The following GPNMB variants were observed in gnomAD, a reference collection of about 807,000 sequenced individuals.
The protein encoded by GPNMB is glycoprotein nmb.
A neutral mutation model predicts 57.3 loss-of-function variants in GPNMB; 71 were observed. That is an observed-to-expected ratio of 1.24 (90% confidence interval 1.02 to 1.51). The LOEUF (loss-of-function observed/expected upper bound fraction) is 1.51, where lower values mean the gene tolerates loss of function less well. Among genes scored for constraint, GPNMB ranks in the 40% most tolerant of loss-of-function variants. The pLI is 0.00. For synonymous variants in GPNMB, 253 were observed against 263.2 expected, an observed-to-expected ratio of 0.96 and a Z score of 0.38; for missense variants, 677 against 691.9, an observed-to-expected ratio of 0.98 and a Z score of 0.24.
chr7:23,270,442 AT>A (rs1382895390), intron 9 of GPNMB, among the ~76,000 whole-genome samples: 2 of 152,194 alleles, frequency 1.3e-5, no homozygotes, highest in African/African-American at 4.8e-5. Context: ...ACCAGTAACA[AT>A]GGGATATGAT....
At chr7:23,265,438 T>G (rs1021942988) in intron 6 of GPNMB, among the ~76,000 whole-genome samples, 1 of 152,184 alleles carries the variant, frequency 6.6e-6, no homozygotes, top group African/African-American at 2.4e-5. Flanking sequence ...AGCAGCGATG[T>G]CTTAATTAGA....
chr7:23,250,782 C>T (rs1305371325), intron 1 of GPNMB: 1 of 152,160 alleles, frequency 6.6e-6, no homozygotes, highest in Admixed American at 6.5e-5. Flanking sequence ...GAGGAAGACT[C>T]TCTGGAACAG....
chr7:23,259,166 C>CT (rs1353544182), intron 4 of GPNMB, among the ~76,000 whole-genome samples: 1 of 152,144 alleles, frequency 6.6e-6, no homozygotes, highest in Non-Finnish European at 1.5e-5. Context: ...CTGCCATCCT[C>CT]TATTTCATCA....
intron 9 of GPNMB, 24 bp downstream of exon 9, chr7:23,270,199 T>C: frequency 6.5e-7 from 1 of 1,530,844 alleles, no homozygotes. Context: ...TATGGCCATA[T>C]GAGCATTTCA....
intron 4 of GPNMB, 149 bp downstream of exon 4, chr7:23,257,214 G>C (rs923863573): frequency 2.8e-6 from 2 of 724,746 alleles, no homozygotes; most frequent in Non-Finnish European, 4.9e-6. Flanking sequence ...AACAGTGAGA[G>C]ATAAAAATGA....
chr7:23,257,443 G>A (rs186291222), intron 4 of GPNMB: 14 of 330,832 alleles, frequency 4.2e-5, no homozygotes, highest in Admixed American at 9.3e-5. Context: ...AGGCGGAGGC[G>A]GGTGGATCAC....
chr7:23,272,865 G>A (rs1240344684), intron 9 of GPNMB, among the ~76,000 whole-genome samples: 1 of 138,942 alleles, frequency 7.2e-6, no homozygotes, highest in Non-Finnish European at 1.5e-5. Flanking sequence ...TTTTTTTGAG[G>A]CAAGGTCTTG....
At chr7:23,266,432 C>A in intron 6 of GPNMB, 85 bp from the exon 7 acceptor site, 2 of 1,426,324 alleles carry the variant, frequency 1.4e-6, no homozygotes, top group Non-Finnish European at 1.9e-6. Context: ...AAGCAAATGG[C>A]AAATGTTTAG....
chr7:23,255,960 G>A (rs1782766972), intron 3 of GPNMB, among the ~76,000 whole-genome samples: 1 of 151,710 alleles, frequency 6.6e-6, no homozygotes, highest in Non-Finnish European at 1.5e-5. Context: ...AGGCTGGAGT[G>A]CAGTGGCACA....
At chr7:23,252,875 A>T (rs1366367281) in intron 1 of GPNMB, among the ~76,000 whole-genome samples, 1 of 152,220 alleles carries the variant, frequency 6.6e-6, no homozygotes, top group African/African-American at 2.4e-5. Context: ...ACTTCCTGGT[A>T]CTAGTACGTG....
intron 9 of GPNMB, among the ~76,000 whole-genome samples, chr7:23,272,804 A>G (rs1337999457): frequency 6.6e-6 from 1 of 151,792 alleles, no homozygotes; most frequent in Non-Finnish European, 1.5e-5. Flanking sequence ...TGCTTCTGTG[A>G]GCAGTGACAG....
In GPNMB at chr7:23,270,096, G is replaced by A; in HGVS notation, c.1350G>A (p.Gly450=). 6.2e-7 allele frequency: 1 copy of A among 1,614,074 alleles called. No individual in the cohort carries two copies. Among genetic ancestry groups the A allele is most frequent in the Non-Finnish European group, 8.5e-7 (1 of 1,179,984 alleles). The change falls in exon 9 of 11, where the codon GGG becomes GGA. Residue 450 remains glycine, a synonymous_variant. Transcript: ENST00000258733. ...LTVRRTFNGS[G]TYCVNLTLGD... is the part of the protein sequence containing the mutation. ...TGAGACGAACCTTCAATGGGTCTGG[G>A]ACGTACTGTGTGAACCTCACCCTGG...
Position 23,253,410 on chromosome 7 carries a change from C to T in GPNMB, c.174C>T (p.Leu58=). The T allele has an allele frequency of 6.2e-7, 1 of 1,614,020 alleles. No individual in the cohort carries two copies. Among genetic ancestry groups the T allele is most frequent in the South Asian group, 1.1e-5 (1 of 91,072 alleles). Residue 58 remains leucine, a synonymous_variant, in exon 2 of 11, where the codon CTC becomes CTT. Coordinates refer to ENST00000258733, the MANE Select transcript of GPNMB (RefSeq NM_002510.3). ...ATGAAAATGACTGGAATGAAAAACT[C>T]TACCCAGTGTGGAAGCGGGGAGACA... The part of the protein sequence containing the change: ...SSDENDWNEK[L]YPVWKRGDMR...
rs199651599 is a variant in GPNMB, at chr7:23,260,004, G to A, written c.566G>A (p.Arg189Gln). The change falls in exon 5 of 11, where the codon CGA (arginine) becomes CAA (glutamine). Residue 189 changes from arginine (R) to glutamine (Q), a missense_variant. Coordinates refer to ENST00000258733, the MANE Select transcript of GPNMB (RefSeq NM_002510.3). ...GGTCAGTATTTCCAGAAATTGGGAC[G>A]ATGTTCAGTGAGAGTTTCTGTGAAC... is the stretch of plus-strand genomic sequence containing the variant. Reference protein sequence around the residue: ...TLGQYFQKLGRCSVRVSVNTA... With the variant: ...TLGQYFQKLGQCSVRVSVNTA... 1.2e-5 allele frequency: 20 copies of A among 1,614,068 alleles called. No individual in the cohort carries two copies. Among genetic ancestry groups the A allele is most frequent in the Middle Eastern group, 1.6e-4 (1 of 6,062 alleles).
chr7:23,268,093 C>CAAAT, intron 8 of GPNMB, 105 bp downstream of exon 8: 1 of 725,264 alleles, frequency 1.4e-6, no homozygotes, highest in Non-Finnish European at 2.4e-6. Flanking sequence ...GATTTGAATT[C>CAAAT]CTATTGATTT....
rs781499634 is a variant in GPNMB, at chr7:23,273,522, C to T, written c.1431C>T (p.Asp477=). 1.2e-6 allele frequency: 2 copies of T among 1,609,360 alleles called. No individual in the cohort carries two copies. The highest frequency in any genetic ancestry group is 2.2e-5 in the East Asian group (1 of 44,846). Residue 477 remains aspartate (D), a splice_region_variant and synonymous_variant, in exon 10 of 11, where the codon GAC becomes GAT. Transcript: ENST00000258733. The stretch of plus-strand genomic sequence containing the variant: ...ACATGCTCTTGCTTCTGTTTTAAGA[C>T]CCAGCCTCGCCTTTAAGGATGGCAA... ...TSTLISVPDR[D]PASPLRMANS...
intron 6 of GPNMB, among the ~76,000 whole-genome samples, chr7:23,262,042 C>A (rs935637054): frequency 2.0e-5 from 3 of 151,964 alleles, no homozygotes; most frequent in Admixed American, 2.0e-4. Context: ...CAAGAGGGCG[C>A]CAGGGACCAA....
At position 23,274,435 on chromosome 7, in the gene GPNMB, C is replaced by A; in HGVS notation, c.*211C>A. 2.2e-6 allele frequency: 1 copy of A among 453,880 alleles called. No individual in the cohort carries two copies. The highest frequency in any genetic ancestry group is 3.9e-6 in the Non-Finnish European group (1 of 258,816). 28.1% of individuals were successfully genotyped at this position (453,880 alleles called of 1,614,324 possible). On this transcript the variant is annotated 3_prime_UTR_variant, in exon 11 of 11. Coordinates refer to ENST00000258733, the MANE Select transcript of GPNMB (RefSeq NM_002510.3). ...AGCCATGTTGTGAAACTGATAAAAG[C>A]AACTTAGCAAGGCTTCTTTTCATTA...
intron 5 of GPNMB, 98 bp from the exon 6 acceptor site, chr7:23,260,358 C>G (rs1039977580): frequency 1.8e-6 from 2 of 1,111,098 alleles, no homozygotes; most frequent in African/African-American, 3.1e-5. Flanking sequence ...TAAATTATCC[C>G]TCATTTTAAT....
Sources: gnomAD v4.1 joint callset for allele counts (sites outside exome capture counted in the v4.1 genomes callset) on GRCh38, gnomAD v4.1.1 for gene constraint, MANE v1.5 for transcripts, NCBI Gene and HGNC (gene_info 2026-07-23, HGNC 2026-07-21) for gene names.